The following LCOR variants were observed in gnomAD, a reference collection of about 807,000 sequenced individuals.
LCOR encodes ligand dependent nuclear receptor corepressor.
Under a neutral mutation model 64.4 loss-of-function variants are expected in LCOR, and 14 were observed. The observed-to-expected ratio is 0.22, with a 90% CI of 0.14 to 0.34. The LOEUF (loss-of-function observed/expected upper bound fraction) is 0.34. Among genes scored for constraint, LCOR ranks in the 10% least tolerant of loss-of-function variants. The pLI, the probability that LCOR is intolerant of heterozygous loss-of-function variation, is 1.00. For synonymous variants in LCOR, 643 were observed against 642.5 expected (o/e 1.00, Z -0.01); for missense variants, 1,686 against 1,765.3 (o/e 0.96, Z 0.80).
intron 2 of LCOR, among the ~76,000 whole-genome samples, chr10:96,887,162 A>G (rs1307754920): frequency 6.6e-6 from 1 of 152,206 alleles, no homozygotes; most frequent in African/African-American, 2.4e-5. Flanking sequence ...TCTGGTCCAC[A>G]AATTAAGACA....
At chr10:96,876,336 A>G (rs1296385973) in intron 2 of LCOR, among the ~76,000 whole-genome samples, 1 of 152,184 alleles carries the variant, frequency 6.6e-6, no homozygotes, top group African/African-American at 2.4e-5. Context: ...CTTAATCCTA[A>G]TTACTTTCCA....
intron 2 of LCOR, among the ~76,000 whole-genome samples, chr10:96,846,302 T>G (rs1589601792): frequency 6.6e-6 from 1 of 152,172 alleles, no homozygotes; most frequent in African/African-American, 2.4e-5. Context: ...TCACTCAGGC[T>G]GGAGTACAGT....
At chr10:96,836,630 T>C (rs1416089316) in intron 2 of LCOR, among the ~76,000 whole-genome samples, 1 of 152,142 alleles carries the variant, frequency 6.6e-6, no homozygotes, top group Admixed American at 6.6e-5. Context: ...TGCAAGCAAA[T>C]GCTAGGGGTG....
At chr10:96,873,154 T>C (rs1846100922) in intron 2 of LCOR, among the ~76,000 whole-genome samples, 1 of 152,218 alleles carries the variant, frequency 6.6e-6, no homozygotes, top group Non-Finnish European at 1.5e-5. Context: ...TTTTAAATAT[T>C]AATTTTGATT....
intron 7 of LCOR, among the ~76,000 whole-genome samples, chr10:96,952,480 A>G (rs951095010): frequency 6.6e-6 from 1 of 152,118 alleles, no homozygotes; most frequent in East Asian, 1.9e-4. Context: ...AAATAATTCT[A>G]AAGTTTAGAT....
At chr10:96,849,358 C>T (rs1410801352) in intron 2 of LCOR, among the ~76,000 whole-genome samples, 9 of 152,004 alleles carry the variant, frequency 5.9e-5, no homozygotes, top group Admixed American at 5.9e-4. Context: ...CAGGCGTGAG[C>T]CACTGCGTCC....
At chr10:96,908,958 G>A (rs1010704652) in intron 4 of LCOR, among the ~76,000 whole-genome samples, 2 of 151,544 alleles carry the variant, frequency 1.3e-5, no homozygotes, top group Non-Finnish European at 1.5e-5. Flanking sequence ...CTTGTGATCC[G>A]CCCGCCTCGG....
intron 4 of LCOR, among the ~76,000 whole-genome samples, chr10:96,942,335 C>T (rs1338058699): frequency 1.3e-5 from 2 of 151,556 alleles, no homozygotes; most frequent in Non-Finnish European, 2.9e-5. Context: ...CGCAGGCACT[C>T]GGCAGGCTGA....
intron 2 of LCOR, among the ~76,000 whole-genome samples, chr10:96,855,496 G>A (rs557706935): frequency 8.6e-5 from 13 of 152,032 alleles, no homozygotes; most frequent in East Asian, 5.8e-4. Context: ...GTGCAATGAC[G>A]CGATCTTGGC....
At chr10:96,957,531 G>A in intron 7 of LCOR, 1 of 985,340 alleles carries the variant, frequency 1.0e-6, no homozygotes, top group Non-Finnish European at 1.2e-6. Flanking sequence ...AAGGTGGTCA[G>A]GCCCTTCTAA....
chr10:96,837,036 G>T lies in LCOR; in HGVS notation c.-330+3557G>T, dbSNP rs530830713. Among the ~76,000 whole-genome samples, 42 of 150,218 alleles carry T rather than the reference G, an allele frequency of 2.8e-4. 1 individual carries two copies. In the East Asian group the frequency reaches 8.2e-3, roughly 29 times the overall value. ...AGACGGAGTCTCGCTCTGTCGCCTA[G>T]GCTGGAGTGCAGTGGCACCATTTCA... On this transcript the variant is annotated intron_variant, in intron 2 of 7. Coordinates refer to ENST00000421806, the MANE Select transcript of LCOR (RefSeq NM_001346516.2).
At chr10:96,886,173 T>C (rs2134425521) in intron 2 of LCOR, among the ~76,000 whole-genome samples, 2 of 152,306 alleles carry the variant, frequency 1.3e-5, no homozygotes, top group South Asian at 4.1e-4. Flanking sequence ...CCACCGTACC[T>C]GGCTAAAGAC....
At chr10:96,929,741 A>C (rs931002187) in intron 4 of LCOR, among the ~76,000 whole-genome samples, 2 of 152,224 alleles carry the variant, frequency 1.3e-5, no homozygotes, top group Non-Finnish European at 2.9e-5. Context: ...CACTAAGCTC[A>C]ATCATTTAAA....
intron 7 of LCOR, among the ~76,000 whole-genome samples, chr10:96,977,370 G>A (rs1391102746): frequency 6.6e-6 from 1 of 152,162 alleles, no homozygotes; most frequent in African/African-American, 2.4e-5. Context: ...GTAGTTTTTA[G>A]GAAGTCAGAC....
chr10:96,975,888 G>A (rs952633937), intron 7 of LCOR, among the ~76,000 whole-genome samples: 9 of 151,898 alleles, frequency 5.9e-5, no homozygotes, highest in Admixed American at 1.3e-4. Context: ...GGTGGTGGGC[G>A]CCTGTAATCC....
intron 2 of LCOR, among the ~76,000 whole-genome samples, chr10:96,835,525 T>C (rs958958089): frequency 6.6e-6 from 1 of 152,178 alleles, no homozygotes; most frequent in African/African-American, 2.4e-5. Context: ...TTAATTGTAG[T>C]GTTAAGAACT....
intron 2 of LCOR, among the ~76,000 whole-genome samples, chr10:96,884,613 G>A (rs7076238): frequency 0.017 from 2,563 of 152,280 alleles, 64 homozygotes; most frequent in African/African-American, 0.056. Context: ...TAAGATTCTT[G>A]AATACCATTT....
chr10:96,863,473 G>A (rs1246418131), intron 2 of LCOR, among the ~76,000 whole-genome samples: 2 of 152,116 alleles, frequency 1.3e-5, no homozygotes, highest in Non-Finnish European at 2.9e-5. Flanking sequence ...CAAAGTGCTG[G>A]GATTACAGGT....
chr10:96,883,068 ATGT>A (rs1328727521), intron 2 of LCOR, among the ~76,000 whole-genome samples: 3 of 152,092 alleles, frequency 2.0e-5, no homozygotes, highest in Non-Finnish European at 2.9e-5. Context: ...ACAGAATCTC[ATGT>A]TGTTGTTCAG....
Sources: gnomAD v4.1 joint callset for allele counts (sites outside exome capture counted in the v4.1 genomes callset) on GRCh38, gnomAD v4.1.1 for gene constraint, MANE v1.5 for transcripts, NCBI Gene and HGNC (gene_info 2026-07-23, HGNC 2026-07-21) for gene names.